ATP2B1: variants seen among roughly 807,000 people sequenced by gnomAD.
The protein encoded by ATP2B1 is ATPase plasma membrane Ca2+ transporting 1.
In ATP2B1, 14 loss-of-function variants were observed where a neutral mutation model predicts 124.2. That is an observed-to-expected ratio of 0.11 (90% CI 0.07 to 0.18). The LOEUF is 0.18. Among genes scored for constraint, ATP2B1 ranks in the 10% least tolerant of loss-of-function variants. The probability of loss-of-function intolerance (pLI) is 1.00; values close to 1 mark genes in which losing one functional copy is unlikely to be tolerated. For synonymous variants in ATP2B1, 449 were observed against 492.4 expected (o/e 0.91, Z 1.17); for missense variants, 763 against 1,466.1 (o/e 0.52, Z 7.83).
chr12:89,651,975 T>C (rs1039793738), intron 2 of ATP2B1, among the ~76,000 whole-genome samples: 10 of 152,238 alleles, frequency 6.6e-5, no homozygotes, highest in Admixed American at 4.6e-4. Flanking sequence ...CCTATCATTT[T>C]TGTGGTTTTG....
intron 1 of ATP2B1, among the ~76,000 whole-genome samples, chr12:89,687,368 A>G (rs1251641038): frequency 6.6e-6 from 1 of 152,176 alleles, no homozygotes; most frequent in Admixed American, 6.6e-5. Flanking sequence ...TAGGGGCTGC[A>G]GTAGGCTATA....
chr12:89,617,100 T>A, intron 11 of ATP2B1, 61 bp from the exon 12 acceptor site: 1 of 1,290,458 alleles, frequency 7.7e-7, no homozygotes. Context: ...TAATGCCATT[T>A]AAGTGAACTG....
intron 1 of ATP2B1, among the ~76,000 whole-genome samples, chr12:89,708,020 G>A (rs1042613236): frequency 1.3e-5 from 2 of 152,192 alleles, no homozygotes; most frequent in African/African-American, 2.4e-5. Flanking sequence ...TGAGGAGAAA[G>A]ACCAGGCGGC....
intron 11 of ATP2B1, among the ~76,000 whole-genome samples, chr12:89,619,618 T>TAAAAAAAAAAAA (rs367554417): frequency 2.4e-5 from 3 of 123,098 alleles, no homozygotes; most frequent in African/African-American, 3.3e-5. Context: ...CTTAAACAAA[T>TAAAAAAAAAAAA]AAAAAAAAAA....
chr12:89,685,162 C>T (rs539827458), intron 1 of ATP2B1, among the ~76,000 whole-genome samples: 1 of 151,228 alleles, frequency 6.6e-6, no homozygotes, highest in South Asian at 2.1e-4. Flanking sequence ...GACATTTGAC[C>T]AAAAATCTAA....
chr12:89,677,996 A>G (rs1281107978), intron 1 of ATP2B1, among the ~76,000 whole-genome samples: 2 of 146,716 alleles, frequency 1.4e-5, no homozygotes, highest in Non-Finnish European at 3.0e-5. Context: ...ACACACACAC[A>G]CACACACACA....
chr12:89,602,937 C>T (rs1876161810), intron 18 of ATP2B1, 106 bp downstream of exon 18: 2 of 953,120 alleles, frequency 2.1e-6, no homozygotes, highest in Admixed American at 4.7e-5. Context: ...GTCACCAAGG[C>T]AACAGTTCCA....
intron 9 of ATP2B1, among the ~76,000 whole-genome samples, chr12:89,623,882 G>A (rs1592771067): frequency 6.6e-6 from 1 of 152,148 alleles, no homozygotes; most frequent in Non-Finnish European, 1.5e-5. Flanking sequence ...CGGGAAAGAG[G>A]AGGTGACATG....
At chr12:89,678,383 A>C (rs747919932) in intron 1 of ATP2B1, among the ~76,000 whole-genome samples, 22 of 152,244 alleles carry the variant, frequency 1.4e-4, no homozygotes, top group Non-Finnish European at 2.6e-4. Context: ...AGAGGTGCTC[A>C]ATGACTAATG....
chr12:89,654,867 T>C (rs1375688064), intron 2 of ATP2B1, among the ~76,000 whole-genome samples: 2 of 152,160 alleles, frequency 1.3e-5, no homozygotes, highest in Non-Finnish European at 2.9e-5. Context: ...ATAAAATAAA[T>C]TGTAATCCCC....
chr12:89,663,317 A>C (rs980244219), intron 1 of ATP2B1, among the ~76,000 whole-genome samples: 1 of 152,210 alleles, frequency 6.6e-6, no homozygotes, highest in Non-Finnish European at 1.5e-5. Context: ...AGGATATTTC[A>C]GATTTTAAAA....
At chr12:89,672,778 A>C (rs1008418847) in intron 1 of ATP2B1, among the ~76,000 whole-genome samples, 5 of 152,162 alleles carry the variant, frequency 3.3e-5, no homozygotes, top group Non-Finnish European at 7.3e-5. Context: ...CTATAGATTT[A>C]TATTTATAAA....
chr12:89,610,397 G>T, intron 14 of ATP2B1, 24 bp downstream of exon 14: 1 of 1,586,006 alleles, frequency 6.3e-7, no homozygotes, highest in Non-Finnish European at 8.7e-7. Flanking sequence ...AAGAAATTGT[G>T]AAATAACTGA....
At chr12:89,644,136 G>A (rs1274939549) in intron 2 of ATP2B1, among the ~76,000 whole-genome samples, 1 of 151,842 alleles carries the variant, frequency 6.6e-6, no homozygotes, top group Non-Finnish European at 1.5e-5. Flanking sequence ...AAAAAAGAAA[G>A]AAAGAAAGAA....
chr12:89,695,622 C>T (rs1189549794), intron 1 of ATP2B1, among the ~76,000 whole-genome samples: 1 of 151,874 alleles, frequency 6.6e-6, no homozygotes, highest in African/African-American at 2.4e-5. Context: ...AGATGTCAAA[C>T]TTCTGAAGTT....
chr12:89,644,240 A>G (rs1884099753), intron 2 of ATP2B1, among the ~76,000 whole-genome samples: 1 of 152,230 alleles, frequency 6.6e-6, no homozygotes, highest in South Asian at 2.1e-4. Context: ...TTTTGGCAAG[A>G]GCCTATTCCA....
At chr12:89,597,709 T>G (rs1037169080) in intron 20 of ATP2B1, among the ~76,000 whole-genome samples, 1 of 152,148 alleles carries the variant, frequency 6.6e-6, no homozygotes, top group African/African-American at 2.4e-5. Context: ...ACATCTTTAA[T>G]GCCTCCAATA....
Position 89,670,818 on chromosome 12 carries a change from C to T in ATP2B1, c.-221-14711G>A, listed in dbSNP as rs1215570747. ...CAAGTAATCATTCGCCTGGTTAATGCTGGTCTGATCTAAATGTAAAGAGAA... is the reference window on the plus strand; with the variant it reads ...CAAGTAATCATTCGCCTGGTTAATGTTGGTCTGATCTAAATGTAAAGAGAA... On this transcript the variant is annotated intron_variant, in intron 1 of 20. Coordinates refer to ENST00000428670, the MANE Select transcript of ATP2B1 (RefSeq NM_001366521.1). Among the ~76,000 whole-genome samples the T allele has an allele frequency of 3.9e-5, 6 of 152,106 alleles. No homozygotes were observed. In the South Asian group the frequency reaches 1.0e-3, roughly 26 times the overall value.
intron 1 of ATP2B1, among the ~76,000 whole-genome samples, chr12:89,698,893 C>T (rs757905356): frequency 6.6e-6 from 1 of 152,150 alleles, no homozygotes; most frequent in Non-Finnish European, 1.5e-5. Flanking sequence ...GGTAAACACT[C>T]GGTTTTGAGT....
Sources: gnomAD v4.1 joint callset for allele counts (sites outside exome capture counted in the v4.1 genomes callset) on GRCh38, gnomAD v4.1.1 for gene constraint, MANE v1.5 for transcripts, NCBI Gene and HGNC (gene_info 2026-07-23, HGNC 2026-07-21) for gene names.